The following OR4C12 variants were observed in gnomAD, a reference collection of about 807,000 sequenced individuals.
The protein encoded by OR4C12 is olfactory receptor family 4 subfamily C member 12.
OR4C12 carries 11 observed loss-of-function variants against 12.3 expected under a neutral mutation model. The observed-to-expected ratio is 0.89, with a 90% confidence interval of 0.56 to 1.48. The LOEUF (loss-of-function observed/expected upper bound fraction) is 1.48. OR4C12 is among the 40% of genes most tolerant of loss of function. The pLI is 0.00. For synonymous variants in OR4C12, 138 were observed against 133.2 expected, an observed-to-expected ratio of 1.04 and a Z score of -0.25; for missense variants, 414 against 365.8, an observed-to-expected ratio of 1.13 and a Z score of -1.08.
In OR4C12 at chr11:49,982,427, C is replaced by T. The variant is rs372225981; in HGVS notation, c.75G>A (p.Thr25=). The part of the protein sequence containing the change: ...LTQNPIMEKV[T]FVVFLVLYMI... ...TGTAAAGAACCAAAAATACTACAAA[C>T]GTGACTTTCTCCATTATGGGGTTCT... Residue 25 remains threonine, a synonymous_variant, in exon 1 of 1, where the codon ACG becomes ACA. Transcript: ENST00000335238. The T allele has an allele frequency of 8.9e-5, 143 of 1,613,506 alleles. No homozygotes were observed. The highest frequency in any genetic ancestry group is 3.8e-4 in the South Asian group (35 of 91,072).
chr11:49,981,802 CT>C lies in OR4C12; in HGVS notation c.699del (p.Ala234ProfsTer10). The C allele has an allele frequency of 6.2e-7, 1 of 1,612,344 alleles. No individual in the cohort carries two copies. The highest frequency in any genetic ancestry group is 1.7e-4 in the Middle Eastern group (1 of 6,056). On this transcript the variant is annotated frameshift_variant, in exon 1 of 1. Transcript: ENST00000335238. LOFTEE classifies it high-confidence loss of function. ...ATGTGAGAAATACAGGTGGAGAGGG[CT>C]TTACACCTCCCCTCCAAGCTATTGT... ...LKNNSLEGRCKALSTCISHII... is the reference protein window; with the variant it reads ...LKNNSLEGRCXALSTCISHII...
chr11:49,982,238 T>G lies in OR4C12; in HGVS notation c.264A>C (p.Lys88Asn), dbSNP rs1291673494. The G allele has an allele frequency of 6.2e-7, 1 of 1,613,976 alleles. No homozygotes were observed. Among genetic ancestry groups the G allele is most frequent in the East Asian group, 2.2e-5 (1 of 44,894 alleles). ...KLIVDSFQEK[K>N]IISFNGCMAQ... ...CCATACACCCATTAAAGGAGATGATTTTCTTCTCTTGAAAGGAATCCACAA... is the reference window on the plus strand; with the variant it reads ...CCATACACCCATTAAAGGAGATGATGTTCTTCTCTTGAAAGGAATCCACAA... The change falls in exon 1 of 1, where the codon AAA becomes AAC. Residue 88 changes from lysine to asparagine, a missense_variant. Lys to Asn is a moderately conservative substitution (Grantham distance 94, BLOSUM62 0). Transcript: ENST00000335238.
In OR4C12 at chr11:49,981,943, A is replaced by C; in HGVS notation, c.559T>G (p.Cys187Gly). The change falls in exon 1 of 1, where the codon TGC (cysteine) becomes GGC (glycine). Residue 187 changes from cysteine (C) to glycine (G), a missense_variant. Physicochemically the swap from Cys to Gly is radical, Grantham distance 159. Transcript: ENST00000335238. ...CDLYPLLKLV[C>G]IDTHTLGLFV... is the part of the protein sequence containing the mutation. ...AGACCAAGGGTATGAGTGTCTATGC[A>C]AACAAGTTTTAACAATGGGTACAAG... 6.2e-7 allele frequency: 1 copy of C among 1,614,112 alleles called. No individual in the cohort carries two copies.
At position 49,982,296 on chromosome 11, in the gene OR4C12, G is replaced by C. The variant is rs374248260; in HGVS notation, c.206C>G (p.Thr69Arg). Reference sequence around the variant, plus strand: ...AGGAGCTGAAGAAGAAGAATAAACTGTGTCTATCAAAGAAAGGTGGGTCAG... The same window carrying C: ...AGGAGCTGAAGAAGAAGAATAAACTCTGTCTATCAAAGAAAGGTGGGTCAG... ...FFLTHLSLID[T>R]VYSSSSAPKL... The change falls in exon 1 of 1, where the codon ACA becomes AGA. Residue 69 changes from threonine (T) to arginine (R), a missense_variant. Thr to Arg is a moderately conservative substitution (Grantham distance 71). Transcript: ENST00000335238. The C allele has an allele frequency of 5.0e-6, 8 of 1,613,854 alleles. No individual in the cohort carries two copies. The highest frequency in any genetic ancestry group is 6.8e-6 in the Non-Finnish European group (8 of 1,179,872).
chr11:49,981,679 T>G lies in OR4C12; in HGVS notation c.823A>C (p.Met275Leu), dbSNP rs373317644. ...ACGGGATTTAACATTGGGACCACCA[T>G]AGTATAAAATACAGCAACAGCTTTA... ...IDKAVAVFYT[M>L]VVPMLNPVVY... is the part of the protein sequence containing the mutation. Residue 275 changes from methionine (M) to leucine (L), a missense_variant, in exon 1 of 1, where the codon ATG (methionine) becomes CTG (leucine). Coordinates refer to ENST00000335238, the MANE Select transcript of OR4C12 (RefSeq NM_001005270.4). 53 of 1,613,310 alleles carry G rather than the reference T, an allele frequency of 3.3e-5. No individual in the cohort carries two copies. The highest frequency in any genetic ancestry group is 4.3e-5 in the Non-Finnish European group (51 of 1,179,484).
At position 49,982,211 on chromosome 11, in the gene OR4C12, A is replaced by T; in HGVS notation, c.291T>A (p.Ala97=). 6 of 1,614,138 alleles carry T rather than the reference A, an allele frequency of 3.7e-6. No homozygotes were observed. Among genetic ancestry groups the T allele is most frequent in the Non-Finnish European group, 5.1e-6 (6 of 1,180,002 alleles). ...KKIISFNGCM[A]QAYAEHIFGA... is the part of the protein sequence containing the mutation. ...CAAAAATGTGTTCTGCATAGGCTTG[A>T]GCCATACACCCATTAAAGGAGATGA... Residue 97 remains alanine (A), a synonymous_variant, in exon 1 of 1, where the codon GCT becomes GCA. Transcript: ENST00000335238.
rs138375431 is a variant in OR4C12 at position 49,981,820 on chromosome 11, A to G, written c.682T>C (p.Leu228=). ...IILRSLKNNS[L]EGRCKALSTC... Reference sequence around the variant, plus strand: ...GAGAGGGCTTTACACCTCCCCTCCAAGCTATTGTTCTTTAAAGATCTCAAG... The same window carrying G: ...GAGAGGGCTTTACACCTCCCCTCCAGGCTATTGTTCTTTAAAGATCTCAAG... Residue 228 remains leucine (L), a synonymous_variant, in exon 1 of 1, where the codon TTG becomes CTG. Transcript: ENST00000335238. The G allele has an allele frequency of 6.2e-7, 1 of 1,613,644 alleles. No homozygotes were observed. The highest frequency in any genetic ancestry group is 8.5e-7 in the Non-Finnish European group (1 of 1,179,770).
chr11:49,981,576 T>C lies in OR4C12; in HGVS notation c.926A>G (p.Asp309Gly). Residue 309 changes from aspartate to glycine, a missense_variant, in exon 1 of 1, where the codon GAT becomes GGT. Coordinates refer to ENST00000335238, the MANE Select transcript of OR4C12 (RefSeq NM_001005270.4). ...LWRKKVTSDND is the reference protein window; with the variant it reads ...LWRKKVTSDNG ...TTGAGTGCTCAATGGTCTTATTTAATCATTATCTGAAGTCACTTTTTTTCT... is the reference window on the plus strand; with the variant it reads ...TTGAGTGCTCAATGGTCTTATTTAACCATTATCTGAAGTCACTTTTTTTCT... 1 of 1,589,964 alleles carries C rather than the reference T, an allele frequency of 6.3e-7. No homozygotes were observed. Among genetic ancestry groups the C allele is most frequent in the South Asian group, 1.1e-5 (1 of 90,210 alleles).
chr11:49,982,312 G>A lies in OR4C12; in HGVS notation c.190C>T (p.Leu64Phe). The A allele has an allele frequency of 1.9e-6, 3 of 1,614,072 alleles. No individual in the cohort carries two copies. The highest frequency in any genetic ancestry group is 2.5e-6 in the Non-Finnish European group (3 of 1,179,972). ...SSPMYFFLTH[L>F]SLIDTVYSSS... is the part of the protein sequence containing the mutation. ...GAATAAACTGTGTCTATCAAAGAAA[G>A]GTGGGTCAGGAAGAAGTACATGGGG... The change falls in exon 1 of 1, where the codon CTT becomes TTT. Residue 64 changes from leucine to phenylalanine, a missense_variant. Transcript: ENST00000335238.
Position 49,982,393 on chromosome 11 carries a change from G to T in OR4C12, c.109C>A (p.Leu37Ile). Reference sequence around the variant, plus strand: ...ACCACAATGAGCAGGTTGCCTGAAAGTGTTATCATGTAAAGAACCAAAAAT... The same window carrying T: ...ACCACAATGAGCAGGTTGCCTGAAATTGTTATCATGTAAAGAACCAAAAAT... ...VVFLVLYMIT[L>I]SGNLLIVVTI... Residue 37 changes from leucine (L) to isoleucine (I), a missense_variant, in exon 1 of 1, where the codon CTT (leucine) becomes ATT (isoleucine). Transcript: ENST00000335238. 1 of 1,613,822 alleles carries T rather than the reference G, an allele frequency of 6.2e-7. No homozygotes were observed. Among genetic ancestry groups the T allele is most frequent in the Non-Finnish European group, 8.5e-7 (1 of 1,179,768 alleles).
rs1854139607 is a variant in OR4C12 at position 49,981,621 on chromosome 11, C to A, written c.881G>T (p.Ser294Ile). 6 of 1,613,332 alleles carry A rather than the reference C, an allele frequency of 3.7e-6. No individual in the cohort carries two copies. The African/African-American group carries it at 5.3e-5, about 14-fold the overall frequency. Residue 294 changes from serine (S) to isoleucine (I), a missense_variant, in exon 1 of 1, where the codon AGT becomes ATT. Ser to Ile is a moderately radical substitution (Grantham distance 142). Coordinates refer to ENST00000335238, the MANE Select transcript of OR4C12 (RefSeq NM_001005270.4). Reference sequence around the variant, plus strand: ...TTTTCTCCAAAGCTTCCTTATTGCACTTTTTACCTCAGCATTTCTGAGTGT... The same window carrying A: ...TTTTCTCCAAAGCTTCCTTATTGCAATTTTTACCTCAGCATTTCTGAGTGT... ...VYTLRNAEVKSAIRKLWRKKV... is the reference protein window; with the variant it reads ...VYTLRNAEVKIAIRKLWRKKV...
At position 49,981,768 on chromosome 11, in the gene OR4C12, A is replaced by G. The variant is rs782323498; in HGVS notation, c.734T>C (p.Val245Ala). The change falls in exon 1 of 1, where the codon GTT (valine) becomes GCT (alanine). Residue 245 changes from valine to alanine, a missense_variant. By Grantham distance (64) the Val-to-Ala change is moderately conservative. Coordinates refer to ENST00000335238, the MANE Select transcript of OR4C12 (RefSeq NM_001005270.4). ...TATACAGGGCACAAAGAATAAGACAACTACTATGATGTGAGAAATACAGGT... is the reference window on the plus strand; with the variant it reads ...TATACAGGGCACAAAGAATAAGACAGCTACTATGATGTGAGAAATACAGGT... ...LSTCISHIIVVVLFFVPCIFV... is the reference protein window; with the variant it reads ...LSTCISHIIVAVLFFVPCIFV... 22 of 1,613,822 alleles carry G rather than the reference A, an allele frequency of 1.4e-5. No individual in the cohort carries two copies. The highest frequency in any genetic ancestry group is 1.9e-5 in the Non-Finnish European group (22 of 1,179,908).
Position 49,981,693 on chromosome 11 carries a change from G to A in OR4C12, c.809C>T (p.Ala270Val). The A allele has an allele frequency of 9.9e-6, 16 of 1,613,636 alleles. No homozygotes were observed. The highest frequency in any genetic ancestry group is 1.3e-5 in the African/African-American group (1 of 74,990). The change falls in exon 1 of 1, where the codon GCT (alanine) becomes GTT (valine). Residue 270 changes from alanine to valine, a missense_variant. Physicochemically the swap from Ala to Val is moderately conservative, Grantham distance 64. Coordinates refer to ENST00000335238, the MANE Select transcript of OR4C12 (RefSeq NM_001005270.4). The stretch of plus-strand genomic sequence containing the variant: ...TGGGACCACCATAGTATAAAATACA[G>A]CAACAGCTTTATCAATGGGCAGAGT... ...VTTLPIDKAV[A>V]VFYTMVVPML... is the part of the protein sequence containing the mutation.
At position 49,982,449 on chromosome 11, in the gene OR4C12, T is replaced by C. The variant is rs781947502; in HGVS notation, c.53A>G (p.Asn18Ser). ...TEFILIGLTQ[N>S]PIMEKVTFVV... ...AAACGTGACTTTCTCCATTATGGGG[T>C]TCTGTGTAAGACCTATTAAAATGAA... is the stretch of plus-strand genomic sequence containing the variant. Residue 18 changes from asparagine to serine, a missense_variant, in exon 1 of 1, where the codon AAC (asparagine) becomes AGC (serine). Transcript: ENST00000335238. 1.2e-6 allele frequency: 2 copies of C among 1,613,410 alleles called. No individual in the cohort carries two copies. Among genetic ancestry groups the C allele is most frequent in the Non-Finnish European group, 1.7e-6 (2 of 1,179,480 alleles).
At position 49,982,336 on chromosome 11, in the gene OR4C12, G is replaced by A; in HGVS notation, c.166C>T (p.Pro56Ser). The change falls in exon 1 of 1, where the codon CCC becomes TCC. Residue 56 changes from proline to serine, a missense_variant. By Grantham distance (74) the Pro-to-Ser change is moderately conservative. Transcript: ENST00000335238. ...TITTSQALSS[P>S]MYFFLTHLSL... is the part of the protein sequence containing the mutation. ...AGGTGGGTCAGGAAGAAGTACATGG[G>A]GGAGCTCAGAGCCTGGCTGGTGGTA... 6.2e-7 allele frequency: 1 copy of A among 1,614,104 alleles called. No individual in the cohort carries two copies. The highest frequency in any genetic ancestry group is 8.5e-7 in the Non-Finnish European group (1 of 1,180,000).
In OR4C12 at chr11:49,981,747, C is replaced by T. The variant is rs782416508; in HGVS notation, c.755G>A (p.Cys252Tyr). Residue 252 changes from cysteine to tyrosine, a missense_variant, in exon 1 of 1, where the codon TGT (cysteine) becomes TAT (tyrosine). Physicochemically the swap from Cys to Tyr is radical, Grantham distance 194 (BLOSUM62 -2). Coordinates refer to ENST00000335238, the MANE Select transcript of OR4C12 (RefSeq NM_001005270.4). The stretch of plus-strand genomic sequence containing the variant: ...CACTGAGCGCAGATACACAAATATA[C>T]AGGGCACAAAGAATAAGACAACTAC... ...IIVVVLFFVPCIFVYLRSVTT... is the reference protein window; with the variant it reads ...IIVVVLFFVPYIFVYLRSVTT... 1 of 1,613,884 alleles carries T rather than the reference C, an allele frequency of 6.2e-7. No homozygotes were observed. Among genetic ancestry groups the T allele is most frequent in the Non-Finnish European group, 8.5e-7 (1 of 1,179,944 alleles).
In OR4C12 at chr11:49,981,994, T is replaced by A; in HGVS notation, c.508A>T (p.Asn170Tyr). ...FTVWLPFCGPNVIGHFMCDLY... is the reference protein window; with the variant it reads ...FTVWLPFCGPYVIGHFMCDLY... ...TCACACATGAAGTGGCCTATGACAT[T>A]GGGGCCACAGAAGGGCAGCCATACT... is the stretch of plus-strand genomic sequence containing the variant. Residue 170 changes from asparagine (N) to tyrosine (Y), a missense_variant, in exon 1 of 1, where the codon AAT becomes TAT. Transcript: ENST00000335238. 6.2e-7 allele frequency: 1 copy of A among 1,614,068 alleles called. No homozygotes were observed. Among genetic ancestry groups the A allele is most frequent in the Non-Finnish European group, 8.5e-7 (1 of 1,179,976 alleles).
Position 49,982,513 on chromosome 11 carries a change from G to A in OR4C12, c.-12C>T. 6.7e-7 allele frequency: 1 copy of A among 1,481,752 alleles called. No individual in the cohort carries two copies. The highest frequency in any genetic ancestry group is 9.3e-7 in the Non-Finnish European group (1 of 1,079,498). The allele number at this position is 1,481,752 out of a possible 1,614,324, so 91.8% of individuals were successfully genotyped here. A position where few individuals can be genotyped will look rare whatever the true frequency, so the allele number is the denominator to read the frequency against. ...TTTTTCTTCTCCATCTATGTAGTGTGGGTGATAAAACCTCCAGGAAGGAAT... is the reference window on the plus strand; with the variant it reads ...TTTTTCTTCTCCATCTATGTAGTGTAGGTGATAAAACCTCCAGGAAGGAAT... On this transcript the variant is annotated 5_prime_UTR_variant, in exon 1 of 1. Coordinates refer to ENST00000335238, the MANE Select transcript of OR4C12 (RefSeq NM_001005270.4).
In OR4C12 at chr11:49,981,838, A is replaced by T; in HGVS notation, c.664T>A (p.Ser222Thr). The change falls in exon 1 of 1, where the codon TCT becomes ACT. Residue 222 changes from serine to threonine, a missense_variant. Ser to Thr is a moderately conservative substitution (Grantham distance 58). Coordinates refer to ENST00000335238, the MANE Select transcript of OR4C12 (RefSeq NM_001005270.4). Reference sequence around the variant, plus strand: ...CCCTCCAAGCTATTGTTCTTTAAAGATCTCAAGATGATCACATAGGATACC... The same window carrying T: ...CCCTCCAAGCTATTGTTCTTTAAAGTTCTCAAGATGATCACATAGGATACC... ...LVVSYVIILR[S>T]LKNNSLEGRC... 6.2e-7 allele frequency: 1 copy of T among 1,614,010 alleles called. No individual in the cohort carries two copies. Among genetic ancestry groups the T allele is most frequent in the Non-Finnish European group, 8.5e-7 (1 of 1,179,974 alleles).
Sources: allele counts gnomAD v4.1 joint callset, GRCh38; gene constraint gnomAD v4.1.1; transcripts MANE v1.5; gene names NCBI Gene and HGNC (gene_info 2026-07-23, HGNC 2026-07-21).